The following TRPS1 variants were observed in gnomAD, a reference collection of about 807,000 sequenced individuals.
TRPS1 encodes the protein transcriptional repressor GATA binding 1, also known as zinc finger transcription factor Trps1.
TRPS1 carries 6 observed loss-of-function variants against 101.2 expected under a neutral mutation model. That is an observed-to-expected ratio of 0.06 (90% CI 0.03 to 0.12). TRPS1 has a LOEUF of 0.12. Ranked by LOEUF, TRPS1 falls within the 10% of genes least tolerant of loss-of-function variation. The probability of loss-of-function intolerance (pLI) is 1.00; values close to 1 mark genes in which losing one functional copy is unlikely to be tolerated. For synonymous variants in TRPS1, 578 were observed against 589.8 expected, an observed-to-expected ratio of 0.98 and a Z score of 0.29; for missense variants, 1,363 against 1,567.0, an observed-to-expected ratio of 0.87 and a Z score of 2.20.
chr8:115,590,109 G>A (rs979414729), intron 4 of TRPS1, among the ~76,000 whole-genome samples: 2 of 151,990 alleles, frequency 1.3e-5, no homozygotes, highest in African/African-American at 2.4e-5. Context: ...AGAGCGAGAC[G>A]CCATCTCAAA....
chr8:115,497,996 G>A (rs1216793751), intron 5 of TRPS1, among the ~76,000 whole-genome samples: 1 of 152,104 alleles, frequency 6.6e-6, no homozygotes, highest in Non-Finnish European at 1.5e-5. Context: ...ACTGTAAGAG[G>A]CCAACAAAAG....
chr8:115,619,013 T>A, intron 3 of TRPS1, 119 bp downstream of exon 3: 1 of 1,054,722 alleles, frequency 9.5e-7, no homozygotes, highest in Non-Finnish European at 1.4e-6. Flanking sequence ...CCATCTCTTC[T>A]GCTAGATCTA....
At position 115,658,340 on chromosome 8, in the gene TRPS1, G is replaced by A. The variant is rs968867235; in HGVS notation, c.-122+10205C>T. ...AACTGATGAGTGTGACCCCAGTGGG[G>A]TTTATCTAAAATTCCCAAGTACAAC... On this transcript the variant is annotated intron_variant, in intron 1 of 6. Transcript: ENST00000395715. Among the ~76,000 whole-genome samples the A allele has an allele frequency of 3.9e-5, 6 of 152,074 alleles. 1 individual carries two copies. The highest frequency in any genetic ancestry group is 2.0e-4 in the Admixed American group (3 of 15,260).
In TRPS1 at chr8:115,619,495, T is replaced by C. The variant is rs756604086; in HGVS notation, c.603A>G (p.Gln201=). 5.6e-6 allele frequency: 9 copies of C among 1,614,082 alleles called. No homozygotes were observed. Among genetic ancestry groups the C allele is most frequent in the East Asian group, 2.2e-5 (1 of 44,882 alleles). Residue 201 remains glutamine (Q), a synonymous_variant, in exon 3 of 7, where the codon CAA becomes CAG. Coordinates refer to ENST00000395715, the MANE Select transcript of TRPS1 (RefSeq NM_014112.5). ...SPVSVASKNP[Q]VPSDGGVRLN... ...GTCTTACACCCCCATCTGAAGGCAC[T>C]TGTGGGTTTTTTGAGGCCACTGAAA...
chr8:115,642,090 T>C (rs935746304), intron 1 of TRPS1, among the ~76,000 whole-genome samples: 8 of 152,018 alleles, frequency 5.3e-5, no homozygotes, highest in Non-Finnish European at 2.9e-5. Context: ...GGCTTGTGCC[T>C]GTAGTCCCAG....
chr8:115,637,283 T>C (rs1026554030), intron 1 of TRPS1: 7 of 985,290 alleles, frequency 7.1e-6, no homozygotes, highest in African/African-American at 1.7e-5. Context: ...TGAATCCCAG[T>C]TGATGAGGCT....
chr8:115,564,117 T>C (rs1817011130), intron 5 of TRPS1, among the ~76,000 whole-genome samples: 1 of 152,002 alleles, frequency 6.6e-6, no homozygotes, highest in Admixed American at 6.6e-5. Context: ...AAAGAGTCAG[T>C]GGCCAGGAAT....
At chr8:115,494,256 T>C (rs1353403810) in intron 5 of TRPS1, among the ~76,000 whole-genome samples, 1 of 152,216 alleles carries the variant, frequency 6.6e-6, no homozygotes, top group Admixed American at 6.5e-5. Context: ...ATACACACAT[T>C]CCAGGGCAGC....
chr8:115,441,701 G>A (rs1189556545), intron 5 of TRPS1, among the ~76,000 whole-genome samples: 4 of 151,672 alleles, frequency 2.6e-5, no homozygotes, highest in Middle Eastern at 3.4e-3. Flanking sequence ...TATTTGCATC[G>A]CAGGCACAGA....
At chr8:115,565,648 C>T (rs1235160725) in intron 5 of TRPS1, among the ~76,000 whole-genome samples, 1 of 151,936 alleles carries the variant, frequency 6.6e-6, no homozygotes. Flanking sequence ...AAAAATTCCA[C>T]CCAATTTTCT....
chr8:115,441,181 C>T (rs553992795), intron 5 of TRPS1, among the ~76,000 whole-genome samples: 173 of 152,240 alleles, frequency 1.1e-3, no homozygotes, highest in Non-Finnish European at 1.8e-3. Context: ...GTAAATACAC[C>T]GAAAGGTTCA....
intron 5 of TRPS1, among the ~76,000 whole-genome samples, chr8:115,491,403 T>G (rs1157948974): frequency 6.6e-6 from 1 of 152,108 alleles, no homozygotes; most frequent in East Asian, 1.9e-4. Flanking sequence ...CATCCTGAAG[T>G]GTAATTGGCT....
chr8:115,514,784 C>G (rs1287054782), intron 5 of TRPS1, among the ~76,000 whole-genome samples: 1 of 151,502 alleles, frequency 6.6e-6, no homozygotes, highest in Non-Finnish European at 1.5e-5. Context: ...AAAAAACCAG[C>G]TTAATAACTA....
intron 5 of TRPS1, among the ~76,000 whole-genome samples, chr8:115,437,704 G>A (rs1586273159): frequency 6.6e-6 from 1 of 152,104 alleles, no homozygotes; most frequent in Admixed American, 6.6e-5. Flanking sequence ...TAGGATTGGG[G>A]GGGCAGGGGA....
At chr8:115,656,547 A>G (rs1013711762) in intron 1 of TRPS1, among the ~76,000 whole-genome samples, 3 of 152,048 alleles carry the variant, frequency 2.0e-5, no homozygotes, top group African/African-American at 7.2e-5. Flanking sequence ...AAAATGCATC[A>G]TGTCTAAATG....
chr8:115,644,633 CT>C (rs1480319467), intron 1 of TRPS1, among the ~76,000 whole-genome samples: 1 of 152,198 alleles, frequency 6.6e-6, no homozygotes, highest in East Asian at 1.9e-4. Flanking sequence ...CCTTCAAGCA[CT>C]TTTCCTTTGC....
intron 5 of TRPS1, among the ~76,000 whole-genome samples, chr8:115,437,617 C>T (rs940961472): frequency 7.9e-5 from 12 of 152,106 alleles, no homozygotes; most frequent in African/African-American, 2.4e-4. Context: ...AAAGTGTCAT[C>T]CTTGTCTTCT....
intron 5 of TRPS1, among the ~76,000 whole-genome samples, chr8:115,540,782 T>G (rs1343032316): frequency 6.6e-6 from 1 of 151,928 alleles, no homozygotes; most frequent in African/African-American, 2.4e-5. Context: ...CCTCTAAAAT[T>G]TCTTCATTGC....
rs537183382 is a variant in TRPS1, at chr8:115,649,731, G to A, written c.-122+18814C>T. Among the ~76,000 whole-genome samples the A allele has an allele frequency of 2.6e-5, 4 of 152,276 alleles. No homozygotes were observed. The East Asian group carries it at 5.8e-4, about 22-fold the overall frequency. On this transcript the variant is annotated intron_variant, in intron 1 of 6. Coordinates refer to ENST00000395715, the MANE Select transcript of TRPS1 (RefSeq NM_014112.5). The stretch of plus-strand genomic sequence containing the variant: ...CACGCAGCTCATTTCTATGCAAACC[G>A]TGTCCAGCCTTTGGGCAAAGTTTGC...
Sources: allele counts gnomAD v4.1 joint callset (sites outside exome capture counted in the v4.1 genomes callset), GRCh38; gene constraint gnomAD v4.1.1; transcripts MANE v1.5; gene names NCBI Gene and HGNC (gene_info 2026-07-23, HGNC 2026-07-21).